PREP: variants seen among roughly 807,000 people sequenced by gnomAD.
PREP encodes prolyl endopeptidase.
A neutral mutation model predicts 87.6 loss-of-function variants in PREP; 29 were observed. The ratio of observed to expected loss-of-function variants is 0.33; its 90% CI spans 0.25 to 0.45. PREP has a LOEUF of 0.45. PREP is among the 20% of genes least tolerant of loss of function. The probability of loss-of-function intolerance (pLI) is 1.00; values close to 1 mark genes in which losing one functional copy is unlikely to be tolerated. For synonymous variants in PREP, 337 were observed against 328.6 expected (o/e 1.03, Z -0.28); for missense variants, 695 against 886.5 (o/e 0.78, Z 2.74).
intron 7 of PREP, 22 bp downstream of exon 7, chr6:105,352,950 T>C (rs1324118403): frequency 6.4e-7 from 1 of 1,573,058 alleles, no homozygotes; most frequent in Non-Finnish European, 8.7e-7. Context: ...AATAACTATC[T>C]GTGTCTGAAA....
intron 7 of PREP, among the ~76,000 whole-genome samples, chr6:105,342,994 A>G (rs1376646275): frequency 6.6e-5 from 10 of 152,316 alleles, no homozygotes; most frequent in Non-Finnish European, 1.2e-4. Flanking sequence ...TCAAGCTACC[A>G]ATGACTTTCT....
In PREP at chr6:105,368,986, A is replaced by G. The variant is rs1345395988; in HGVS notation, c.634T>C (p.Tyr212His). 6.2e-7 allele frequency: 1 copy of G among 1,614,004 alleles called. No homozygotes were observed. The highest frequency in any genetic ancestry group is 1.7e-5 in the Admixed American group (1 of 60,032). The stretch of plus-strand genomic sequence containing the variant: ...GACTGATCGGTTCCCAAGACATGGT[A>G]GTAGAGCTTTTGGTGGAGATTGGTA... The part of the protein sequence containing the change: ...TSTNLHQKLY[Y>H]HVLGTDQSED... Residue 212 changes from tyrosine to histidine, a missense_variant, in exon 6 of 15, where the codon TAC becomes CAC. Around this residue, in one of 5 missense-constraint regions of PREP, gnomAD observed 517 missense variants for 620.3 expected, o/e 0.83. Transcript: ENST00000652536.
At chr6:105,342,190 G>T (rs754567584) in intron 7 of PREP, among the ~76,000 whole-genome samples, 78 of 152,070 alleles carry the variant, frequency 5.1e-4, no homozygotes, top group Non-Finnish European at 9.7e-4. Flanking sequence ...TCCACCATGA[G>T]CAAGTGGGCT....
At chr6:105,364,804 A>G (rs1288075533) in intron 6 of PREP, among the ~76,000 whole-genome samples, 1 of 152,196 alleles carries the variant, frequency 6.6e-6, no homozygotes, top group Non-Finnish European at 1.5e-5. Context: ...CAGTCCTCCC[A>G]CTCTAACACT....
At chr6:105,305,065 A>G (rs1770625651) in intron 10 of PREP, among the ~76,000 whole-genome samples, 1 of 152,218 alleles carries the variant, frequency 6.6e-6, no homozygotes, top group Admixed American at 6.5e-5. Context: ...AGGATATGTG[A>G]AATCCATTTC....
chr6:105,349,720 G>C, intron 7 of PREP, among the ~76,000 whole-genome samples: 1 of 151,972 alleles, frequency 6.6e-6, no homozygotes, highest in East Asian at 1.9e-4. Flanking sequence ...TATCAAAAGA[G>C]GTATAGATTT....
At chr6:105,315,599 A>AAACTTTGG (rs1454269190) in intron 10 of PREP, among the ~76,000 whole-genome samples, 2 of 152,304 alleles carry the variant, frequency 1.3e-5, no homozygotes, top group South Asian at 4.1e-4. Context: ...TGGAACTTTG[A>AAACTTTGG]AACTTTGGAA....
intron 6 of PREP, among the ~76,000 whole-genome samples, chr6:105,362,719 T>C (rs1346545360): frequency 6.6e-6 from 1 of 152,284 alleles, no homozygotes; most frequent in East Asian, 1.9e-4. Context: ...CGGTGAATAT[T>C]ATCACATAAG....
intron 7 of PREP, among the ~76,000 whole-genome samples, chr6:105,343,013 T>C (rs1247386977): frequency 2.0e-5 from 3 of 152,146 alleles, no homozygotes; most frequent in East Asian, 1.9e-4. Flanking sequence ...CTTCACAGAA[T>C]TGGAAAAAAC....
At chr6:105,331,419 A>G (rs1482813943) in intron 8 of PREP, among the ~76,000 whole-genome samples, 3 of 152,222 alleles carry the variant, frequency 2.0e-5, no homozygotes, top group Non-Finnish European at 4.4e-5. Flanking sequence ...AAATGGCAGA[A>G]ATTCAGATGC....
chr6:105,283,920 G>A (rs558576658), intron 12 of PREP, among the ~76,000 whole-genome samples: 5 of 152,186 alleles, frequency 3.3e-5, no homozygotes, highest in Non-Finnish European at 7.3e-5. Context: ...GATGACCAGA[G>A]GGGTTTTCTG....
chr6:105,402,502 G>A (rs1773463012), intron 1 of PREP, among the ~76,000 whole-genome samples: 2 of 151,954 alleles, frequency 1.3e-5, no homozygotes, highest in Non-Finnish European at 2.9e-5. Flanking sequence ...ATTTAAGCAA[G>A]AGGCTTCGCC....
rs920288601 is a variant in PREP, at chr6:105,369,673, G to A, written c.596-649C>T. 6.6e-5 allele frequency among the ~76,000 whole-genome samples: 10 copies of A among 152,266 alleles called. No homozygotes were observed. The South Asian group carries it at 2.1e-3, about 32-fold the overall frequency. On this transcript the variant is annotated intron_variant, in intron 5 of 14. Transcript: ENST00000652536. ...TTAAAAAAAGGTGCTGGGACAACCA[G>A]ACATCCACAGGCAAAAATATGAATC... is the stretch of plus-strand genomic sequence containing the variant.
At position 105,373,723 on chromosome 6, in the gene PREP, G is replaced by A. The variant is rs571301305; in HGVS notation, c.386-145C>T. 5.0e-4 allele frequency: 414 copies of A among 833,464 alleles called. 2 individuals are homozygous for A. The African/African-American group carries it at 6.2e-3, about 12-fold the overall frequency. The allele number at this position is 833,464 out of a possible 1,614,324, so 51.6% of individuals were successfully genotyped here. A position where few individuals can be genotyped will look rare whatever the true frequency, so the allele number is the denominator to read the frequency against. On this transcript the variant is annotated intron_variant, in intron 4 of 14. Transcript: ENST00000652536. Reference sequence around the variant, plus strand: ...TAGGAATCTGGTAGTGAGGAATCCCGGGGGCTCAGCCCAAGTTTTACAGGA... The same window carrying A: ...TAGGAATCTGGTAGTGAGGAATCCCAGGGGCTCAGCCCAAGTTTTACAGGA...
At chr6:105,360,836 G>A (rs191106768) in intron 6 of PREP, among the ~76,000 whole-genome samples, 54 of 152,256 alleles carry the variant, frequency 3.5e-4, no homozygotes, top group African/African-American at 1.3e-3. Flanking sequence ...CCTCACCTAG[G>A]TGTGATGTGA....
chr6:105,362,076 A>G (rs560133684), intron 6 of PREP, among the ~76,000 whole-genome samples: 55 of 152,390 alleles, frequency 3.6e-4, no homozygotes, highest in Non-Finnish European at 6.5e-4. Flanking sequence ...CACGTACAAA[A>G]TAAAATAAAT....
chr6:105,337,151 C>A (rs984654630), intron 7 of PREP, among the ~76,000 whole-genome samples: 1 of 152,132 alleles, frequency 6.6e-6, no homozygotes, highest in African/African-American at 2.4e-5. Flanking sequence ...ATTTGACTGG[C>A]CAGCAGCCAG....
intron 7 of PREP, among the ~76,000 whole-genome samples, chr6:105,347,076 G>C (rs1771818214): frequency 6.6e-6 from 1 of 152,148 alleles, no homozygotes; most frequent in Non-Finnish European, 1.5e-5. Context: ...GGGACTAATG[G>C]TCAGCTCCTT....
intron 6 of PREP, among the ~76,000 whole-genome samples, chr6:105,359,057 CAA>C (rs1481757224): frequency 6.6e-6 from 1 of 152,192 alleles, no homozygotes; most frequent in Non-Finnish European, 1.5e-5. Context: ...CCTCCCATAA[CAA>C]AGACACAATT....
Sources: gnomAD v4.1 joint callset for allele counts (sites outside exome capture counted in the v4.1 genomes callset) on GRCh38, gnomAD v4.1.1 for gene constraint, gnomAD v4.1.1 regional missense constraint, MANE v1.5 for transcripts, NCBI Gene and HGNC (gene_info 2026-07-23, HGNC 2026-07-21) for gene names.